The following LDAH variants were observed in gnomAD, a reference collection of about 807,000 sequenced individuals.
LDAH encodes lipid droplet-associated hydrolase.
Under a neutral mutation model 29.6 loss-of-function variants are expected in LDAH, and 26 were observed. The observed-to-expected ratio is 0.88, with a 90% CI of 0.64 to 1.22. The LOEUF (loss-of-function observed/expected upper bound fraction) is 1.22, where lower values mean the gene tolerates loss of function less well. LDAH is among the 50% of genes most tolerant of loss of function. The pLI, the probability that LDAH is intolerant of heterozygous loss-of-function variation, is 0.00. For synonymous variants in LDAH, 117 were observed against 133.0 expected (o/e 0.88, Z 0.83); for missense variants, 344 against 387.3 (o/e 0.89, Z 0.94).
At chr2:20,719,564 T>C (rs1230149759) in intron 5 of LDAH, among the ~76,000 whole-genome samples, 3 of 152,192 alleles carry the variant, frequency 2.0e-5, no homozygotes, top group Admixed American at 6.5e-5. Context: ...GAAGAACTAA[T>C]ACCAATTCTA....
Position 20,811,111 on chromosome 2 carries a change from G to A in LDAH, c.-2-9646C>T, listed in dbSNP as rs576727365. Among the ~76,000 whole-genome samples the A allele has an allele frequency of 1.1e-4, 17 of 150,698 alleles. No homozygotes were observed. The South Asian group carries it at 3.2e-3, about 28-fold the overall frequency. ...CGGCTCACTGCAAGCTCCACCTCCC[G>A]GGTTCACGCCATTCTCCTGCCTCAG... On this transcript the variant is annotated intron_variant, in intron 1 of 6. Transcript: ENST00000237822.
chr2:20,749,706 G>C (rs1167699861), intron 4 of LDAH, among the ~76,000 whole-genome samples: 2 of 152,212 alleles, frequency 1.3e-5, no homozygotes, highest in Non-Finnish European at 2.9e-5. Context: ...GACCCCATGA[G>C]ATAGAGACTA....
chr2:20,706,394 T>C (rs1219839490), intron 5 of LDAH, among the ~76,000 whole-genome samples: 1 of 152,124 alleles, frequency 6.6e-6, no homozygotes, highest in Admixed American at 6.5e-5. Flanking sequence ...ACTTATCCTC[T>C]AAACACATAA....
chr2:20,736,402 A>G (rs1666788278), intron 5 of LDAH, among the ~76,000 whole-genome samples: 1 of 152,108 alleles, frequency 6.6e-6, no homozygotes, highest in African/African-American at 2.4e-5. Flanking sequence ...AGATTGAGCC[A>G]CTGCACCCTA....
chr2:20,685,583 T>C lies in LDAH; in HGVS notation c.*1320A>G. The C allele has an allele frequency of 6.4e-7, 1 of 1,550,502 alleles. No individual in the cohort carries two copies. The highest frequency in any genetic ancestry group is 8.7e-7 in the Non-Finnish European group (1 of 1,146,968). On this transcript the variant is annotated 3_prime_UTR_variant, in exon 7 of 7. Coordinates refer to ENST00000237822, the MANE Select transcript of LDAH (RefSeq NM_021925.4). ...CAGCAAATCAGAGCCAAATCTTTCA[T>C]CAGGGGGCTTTAGGATTTGAGCGGA...
chr2:20,792,446 A>G (rs1671030105), intron 2 of LDAH, among the ~76,000 whole-genome samples: 1 of 152,230 alleles, frequency 6.6e-6, no homozygotes, highest in Non-Finnish European at 1.5e-5. Flanking sequence ...TAAGTGCTAA[A>G]TAAATATTTG....
At chr2:20,688,828 CTTTTTTTTTT>C (rs57543886) in intron 6 of LDAH, among the ~76,000 whole-genome samples, 3 of 112,020 alleles carry the variant, frequency 2.7e-5, no homozygotes, top group African/African-American at 6.8e-5. Context: ...TGGAGGTTTC[CTTTTTTTTTT>C]TTTTTTTTTT....
At chr2:20,774,775 C>G in intron 4 of LDAH, 35 bp downstream of exon 4, 1 of 1,608,630 alleles carries the variant, frequency 6.2e-7, no homozygotes, top group South Asian at 1.1e-5. Flanking sequence ...GGCACACAGT[C>G]CAGCACCCAC....
intron 2 of LDAH, among the ~76,000 whole-genome samples, chr2:20,799,765 T>C (rs867855460): frequency 1.1e-4 from 17 of 152,300 alleles, no homozygotes; most frequent in Admixed American, 1.3e-4. Context: ...AAAGATCATT[T>C]AAGCTTTTTT....
At chr2:20,709,662 A>C (rs1365010143) in intron 5 of LDAH, among the ~76,000 whole-genome samples, 4 of 152,184 alleles carry the variant, frequency 2.6e-5, no homozygotes, top group Non-Finnish European at 4.4e-5. Context: ...TAGACAAGAG[A>C]ATTAGAAACA....
chr2:20,785,173 T>G (rs889538732), intron 3 of LDAH, among the ~76,000 whole-genome samples: 1 of 152,222 alleles, frequency 6.6e-6, no homozygotes, highest in Non-Finnish European at 1.5e-5. Context: ...GATTTGAGTT[T>G]CTAATCTCTA....
chr2:20,749,366 A>C (rs1667800284), intron 4 of LDAH, among the ~76,000 whole-genome samples: 1 of 152,236 alleles, frequency 6.6e-6, no homozygotes, highest in Non-Finnish European at 1.5e-5. Context: ...CCAGTAAAAA[A>C]ATTATTCCCT....
rs1039815414 is a variant in LDAH at position 20,686,984 on chromosome 2, A to C, written c.897T>G (p.Pro299=). The change falls in exon 7 of 7, where the codon CCT becomes CCG. Residue 299 remains proline, a synonymous_variant. Coordinates refer to ENST00000237822, the MANE Select transcript of LDAH (RefSeq NM_021925.4). ...GDIRLCEKNI[P]HAFITHFNQE... is the part of the protein sequence containing the mutation. ...GGTTAAAATGGGTGATGAAAGCATG[A>C]GGTATGTTTTTCTCACAGAGTCGAA... The C allele has an allele frequency of 1.9e-6, 3 of 1,614,108 alleles. No individual in the cohort carries two copies. Among genetic ancestry groups the C allele is most frequent in the Non-Finnish European group, 2.5e-6 (3 of 1,179,964 alleles).
chr2:20,726,758 G>A (rs1666047285), intron 5 of LDAH, among the ~76,000 whole-genome samples: 1 of 152,114 alleles, frequency 6.6e-6, no homozygotes, highest in South Asian at 2.1e-4. Flanking sequence ...TGGTCATTAC[G>A]ATAATCAATT....
intron 5 of LDAH, among the ~76,000 whole-genome samples, chr2:20,713,068 AC>A (rs972343792): frequency 6.6e-6 from 1 of 152,162 alleles, no homozygotes; most frequent in Admixed American, 6.6e-5. Flanking sequence ...GAGAAGAGCA[AC>A]CCCAAGACAC....
At chr2:20,771,922 A>G (rs533996415) in intron 4 of LDAH, among the ~76,000 whole-genome samples, 1 of 152,340 alleles carries the variant, frequency 6.6e-6, no homozygotes, top group Non-Finnish European at 1.5e-5. Context: ...CCACAAATAG[A>G]GTAGGTTAAG....
At chr2:20,778,195 G>A (rs930874921) in intron 3 of LDAH, among the ~76,000 whole-genome samples, 1 of 152,102 alleles carries the variant, frequency 6.6e-6, no homozygotes, top group Non-Finnish European at 1.5e-5. Context: ...TTGAGATGCT[G>A]TTAATCTGTA....
At chr2:20,743,162 A>G (rs1213373984) in intron 4 of LDAH, among the ~76,000 whole-genome samples, 1 of 150,900 alleles carries the variant, frequency 6.6e-6, no homozygotes, top group Non-Finnish European at 1.5e-5. Context: ...TCTTCCACAT[A>G]TTTTCTGCCT....
intron 5 of LDAH, among the ~76,000 whole-genome samples, chr2:20,707,319 TG>T (rs1278245209): frequency 4.6e-5 from 7 of 152,216 alleles, no homozygotes; most frequent in African/African-American, 1.7e-4. Context: ...CTCTGGGCCA[TG>T]CTCTCCTGTG....
Sources: gnomAD v4.1 joint callset for allele counts (sites outside exome capture counted in the v4.1 genomes callset) on GRCh38, gnomAD v4.1.1 for gene constraint, MANE v1.5 for transcripts, NCBI Gene and HGNC (gene_info 2026-07-23, HGNC 2026-07-21) for gene names.